The following PDE3A variants were observed in gnomAD, a reference collection of about 807,000 sequenced individuals.
PDE3A encodes the protein cGMP-inhibited 3',5'-cyclic phosphodiesterase 3A.
A neutral mutation model predicts 98.3 loss-of-function variants in PDE3A; 43 were observed. That is an observed-to-expected ratio of 0.44 (90% confidence interval 0.34 to 0.56). PDE3A has a LOEUF of 0.56. Among genes scored for constraint, PDE3A ranks in the 20% least tolerant of loss-of-function variants. The pLI is 0.01. For synonymous variants in PDE3A, 663 were observed against 567.9 expected, an observed-to-expected ratio of 1.17 and a Z score of -2.38; for missense variants, 1,427 against 1,440.7, an observed-to-expected ratio of 0.99 and a Z score of 0.15.
chr12:20,593,233 G>A (rs1030832563), intron 2 of PDE3A, among the ~76,000 whole-genome samples: 1 of 152,156 alleles, frequency 6.6e-6, no homozygotes, highest in African/African-American at 2.4e-5. Context: ...CAAAGCATAG[G>A]GTTGTGGCAT....
chr12:20,536,773 G>A (rs1941760009), intron 1 of PDE3A, among the ~76,000 whole-genome samples: 1 of 151,820 alleles, frequency 6.6e-6, no homozygotes, highest in African/African-American at 2.4e-5. Context: ...TACCATTTTT[G>A]TTTATCCATT....
chr12:20,403,943 A>C (rs932851646), intron 1 of PDE3A, among the ~76,000 whole-genome samples: 1 of 152,052 alleles, frequency 6.6e-6, no homozygotes, highest in Non-Finnish European at 1.5e-5. Flanking sequence ...TTCAAACTCT[A>C]TAATTTAGTT....
chr12:20,478,820 C>T (rs1306851641), intron 1 of PDE3A, among the ~76,000 whole-genome samples: 1 of 152,120 alleles, frequency 6.6e-6, no homozygotes, highest in Non-Finnish European at 1.5e-5. Context: ...AATAGTCACT[C>T]TTTGACTATA....
intron 1 of PDE3A, among the ~76,000 whole-genome samples, chr12:20,549,830 A>G (rs1462757001): frequency 6.6e-6 from 1 of 152,176 alleles, no homozygotes; most frequent in Non-Finnish European, 1.5e-5. Context: ...TCTCTGATAC[A>G]TAACACACTT....
Position 20,680,346 on chromosome 12 carries a change from G to C in PDE3A, c.*75G>C, listed in dbSNP as rs542090879. The C allele has an allele frequency of 9.5e-4, 1,373 of 1,447,904 alleles. 2 individuals carry two copies. The highest frequency in any genetic ancestry group is 1.2e-3 in the Non-Finnish European group (1,250 of 1,058,574). The allele number at this position is 1,447,904 out of a possible 1,614,324, so 89.7% of individuals were successfully genotyped here. ...TCTCTTCAAGCCAGCACAACATTTA[G>C]ACACAACACTGTAGAAATTTGAGAT... is the stretch of plus-strand genomic sequence containing the variant. On this transcript the variant is annotated 3_prime_UTR_variant, in exon 16 of 16. Coordinates refer to ENST00000359062, the MANE Select transcript of PDE3A (RefSeq NM_000921.5).
chr12:20,391,047 A>T lies in PDE3A; in HGVS notation c.960+20803A>T, dbSNP rs1943904764. Among the ~76,000 whole-genome samples, 3 of 151,918 alleles carry T rather than the reference A, an allele frequency of 2.0e-5. No individual in the cohort carries two copies. The Admixed American group carries it at 2.0e-4, about 10-fold the overall frequency. On this transcript the variant is annotated intron_variant, in intron 1 of 15. Transcript: ENST00000359062. ...GTAACCCTCTAACGATCCCCAGGGC[A>T]ATATACTGTTGTAACCTTTGATCAC...
rs776443526 is a variant in PDE3A, at chr12:20,616,231, G to T, written c.1271G>T (p.Arg424Leu). The change falls in exon 4 of 16, where the codon CGC becomes CTC. Residue 424 changes from arginine (R) to leucine (L), a missense_variant and splice_region_variant. Around this residue, in one of 3 missense-constraint regions of PDE3A, gnomAD observed 1,012 missense variants for 886.5 expected, o/e 1.14. Transcript: ENST00000359062. ...SEKDKLAIPKRLRRSLPPGLL... is the reference protein window; with the variant it reads ...SEKDKLAIPKLLRRSLPPGLL... ...AATGAAGTCAAGTCTCTTTCCTAGCGCCTGAGAAGGAGTTTGCCTCCTGGC... is the reference window on the plus strand; with the variant it reads ...AATGAAGTCAAGTCTCTTTCCTAGCTCCTGAGAAGGAGTTTGCCTCCTGGC... 3 of 1,613,410 alleles carry T rather than the reference G, an allele frequency of 1.9e-6. No individual in the cohort carries two copies. Among genetic ancestry groups the T allele is most frequent in the Non-Finnish European group, 2.5e-6 (3 of 1,179,658 alleles).
intron 1 of PDE3A, among the ~76,000 whole-genome samples, chr12:20,442,657 A>G (rs1465880384): frequency 6.6e-6 from 1 of 152,230 alleles, no homozygotes; most frequent in Non-Finnish European, 1.5e-5. Context: ...TTGTAAGACA[A>G]TTCTTTTGAA....
At chr12:20,667,249 A>G (rs1376447470) in intron 15 of PDE3A, among the ~76,000 whole-genome samples, 2 of 151,792 alleles carry the variant, frequency 1.3e-5, no homozygotes. Context: ...ATGTTGATTC[A>G]TTTGCTATAC....
intron 1 of PDE3A, among the ~76,000 whole-genome samples, chr12:20,555,106 C>T (rs959245428): frequency 3.3e-5 from 5 of 152,068 alleles, no homozygotes; most frequent in Non-Finnish European, 7.4e-5. Flanking sequence ...TCACTGCAAC[C>T]TCTGCCTCCC....
At chr12:20,528,899 G>A (rs1946574032) in intron 1 of PDE3A, among the ~76,000 whole-genome samples, 1 of 152,124 alleles carries the variant, frequency 6.6e-6, no homozygotes, top group South Asian at 2.1e-4. Flanking sequence ...AAACTGAAGA[G>A]CATTAGTAAA....
chr12:20,423,847 G>T (rs967733581), intron 1 of PDE3A, among the ~76,000 whole-genome samples: 1 of 152,176 alleles, frequency 6.6e-6, no homozygotes, highest in Middle Eastern at 3.4e-3. Flanking sequence ...CCCAAGGTAA[G>T]GCTACAGGTA....
At chr12:20,538,782 C>A (rs1029421140) in intron 1 of PDE3A, among the ~76,000 whole-genome samples, 4 of 152,058 alleles carry the variant, frequency 2.6e-5, no homozygotes, top group Admixed American at 6.6e-5. Context: ...ATAGCTGGGA[C>A]TATAGGTGTG....
chr12:20,607,524 T>TA (rs1943741785), intron 2 of PDE3A, among the ~76,000 whole-genome samples: 1 of 152,068 alleles, frequency 6.6e-6, no homozygotes. Context: ...GCTTGATATA[T>TA]AAAACCGCAC....
At chr12:20,592,560 G>T (rs1381235295) in intron 2 of PDE3A, among the ~76,000 whole-genome samples, 1 of 152,116 alleles carries the variant, frequency 6.6e-6, no homozygotes, top group Non-Finnish European at 1.5e-5. Context: ...GTCCACCTAT[G>T]CTTGAGTACT....
intron 15 of PDE3A, among the ~76,000 whole-genome samples, chr12:20,664,288 A>G (rs1268083399): frequency 6.6e-6 from 1 of 152,084 alleles, no homozygotes; most frequent in East Asian, 1.9e-4. Context: ...TAATGGGAGG[A>G]TCTTAGCTGA....
intron 14 of PDE3A, among the ~76,000 whole-genome samples, chr12:20,652,063 C>A (rs1021290731): frequency 6.6e-6 from 1 of 152,114 alleles, no homozygotes; most frequent in Admixed American, 6.6e-5. Context: ...ATGATGGTTT[C>A]CAGTTTCATC....
chr12:20,468,419 A>G (rs1945380605), intron 1 of PDE3A, among the ~76,000 whole-genome samples: 1 of 152,180 alleles, frequency 6.6e-6, no homozygotes, highest in African/African-American at 2.4e-5. Flanking sequence ...TTGGCCCAAT[A>G]ATGAGGGATC....
rs1444240044 is a variant in PDE3A, at chr12:20,552,432, G to A, written c.961-4228G>A. 3.1e-6 allele frequency: 5 copies of A among 1,612,904 alleles called. No homozygotes were observed. The Admixed American group carries it at 8.3e-5, about 27-fold the overall frequency. ...AGGGGAAGGACCGGATCAAGAAGCT[G>A]GGGCTGACCATGCAGTATCCAGAAG... On this transcript the variant is annotated intron_variant, in intron 1 of 15. Coordinates refer to ENST00000359062, the MANE Select transcript of PDE3A (RefSeq NM_000921.5). The surrounding 1 kb of genome is among the most constrained non-coding windows in gnomAD (Gnocchi z 5.1).
Sources: allele counts gnomAD v4.1 joint callset (sites outside exome capture counted in the v4.1 genomes callset), GRCh38; gene constraint gnomAD v4.1.1; regional missense constraint gnomAD v4.1.1; non-coding constraint Gnocchi (gnomAD v3.1); transcripts MANE v1.5; gene names NCBI Gene and HGNC (gene_info 2026-07-23, HGNC 2026-07-21).